The following CEP85 variants were observed in gnomAD, a reference collection of about 807,000 sequenced individuals.
The protein encoded by CEP85 is centrosomal protein 85, also known as centrosomal protein of 85 kDa.
A neutral mutation model predicts 93.7 loss-of-function variants in CEP85; 58 were observed. The ratio of observed to expected loss-of-function variants is 0.62; its 90% confidence interval spans 0.50 to 0.77. The LOEUF is 0.77. CEP85 is among the 30% of genes least tolerant of loss of function. CEP85 has a pLI of 0.00. For synonymous variants in CEP85, 314 were observed against 338.6 expected, an observed-to-expected ratio of 0.93 and a Z score of 0.80; for missense variants, 868 against 922.0, an observed-to-expected ratio of 0.94 and a Z score of 0.76.
At chr1:26,236,148 GA>G (rs2089323549) in intron 1 of CEP85, among the ~76,000 whole-genome samples, 1 of 152,154 alleles carries the variant, frequency 6.6e-6, no homozygotes, top group Non-Finnish European at 1.5e-5. Flanking sequence ...TCCTGGCTTT[GA>G]AGCCTCTTCC....
chr1:26,268,720 T>C (rs1171640378), intron 8 of CEP85, 85 bp downstream of exon 8: 16 of 1,296,818 alleles, frequency 1.2e-5, no homozygotes, highest in Non-Finnish European at 1.6e-5. Flanking sequence ...TATGCAGTTA[T>C]CCTGTGACTT....
intron 11 of CEP85, among the ~76,000 whole-genome samples, chr1:26,273,882 CAG>C (rs1271467718): frequency 1.3e-5 from 2 of 148,506 alleles, no homozygotes; most frequent in African/African-American, 2.5e-5. Context: ...GTCTGGGCGA[CAG>C]AGTGAAACCC....
intron 8 of CEP85, 135 bp downstream of exon 8, chr1:26,268,770 T>C: frequency 1.1e-6 from 1 of 934,230 alleles, no homozygotes; most frequent in East Asian, 3.0e-5. Flanking sequence ...TCCAGATTCA[T>C]AATTGTCAGA....
chr1:26,239,667 C>G, intron 1 of CEP85, 95 bp from the exon 2 acceptor site: 1 of 800,522 alleles, frequency 1.2e-6, no homozygotes, highest in Non-Finnish European at 2.2e-6. Context: ...CTTGAATATT[C>G]TATATGGTTT....
chr1:26,257,534 C>T, intron 4 of CEP85, 63 bp from the exon 5 acceptor site: 6 of 1,592,716 alleles, frequency 3.8e-6, no homozygotes, highest in Non-Finnish European at 5.1e-6. Context: ...CTGATTACTG[C>T]TCAGGTGTTT....
chr1:26,267,374 G>T (rs1319662013), intron 7 of CEP85, among the ~76,000 whole-genome samples: 1 of 152,094 alleles, frequency 6.6e-6, no homozygotes, highest in African/African-American at 2.4e-5. Context: ...GACCAGCCTG[G>T]CCAACATGGT....
intron 1 of CEP85, among the ~76,000 whole-genome samples, chr1:26,238,354 C>T (rs1369391918): frequency 1.3e-5 from 2 of 151,864 alleles, no homozygotes; most frequent in Non-Finnish European, 2.9e-5. Context: ...GCGCCTGCCA[C>T]CATGCCTGGC....
intron 8 of CEP85, chr1:26,269,247 C>G: frequency 1.8e-6 from 1 of 559,788 alleles, no homozygotes; most frequent in Non-Finnish European, 3.2e-6. Flanking sequence ...CTACCTGCGT[C>G]AGAAATAAGA....
intron 7 of CEP85, among the ~76,000 whole-genome samples, chr1:26,262,015 A>C (rs2089817891): frequency 6.6e-6 from 1 of 152,072 alleles, no homozygotes; most frequent in Non-Finnish European, 1.5e-5. Flanking sequence ...TACTAAAAAA[A>C]ATACAAAAAT....
chr1:26,252,925 C>T (rs2089641273), intron 3 of CEP85, among the ~76,000 whole-genome samples: 1 of 152,156 alleles, frequency 6.6e-6, no homozygotes, highest in Admixed American at 6.6e-5. Context: ...CTTCTGGTAA[C>T]CACAATTATT....
Position 26,259,619 on chromosome 1 carries a change from ATTGC to A in CEP85, c.1159_1162del (p.Leu387SerfsTer18). On this transcript the variant is annotated frameshift_variant, in exon 7 of 14. Transcript: ENST00000451429. LOFTEE classifies it high-confidence loss of function. ...CATATTGAGAATCTTTCTGGCAGGA[ATTGC>A]AGCGAGAAAACACTTTCTTACGTGC... 1 of 1,606,140 alleles carries A rather than the reference ATTGC, an allele frequency of 6.2e-7. No individual in the cohort carries two copies. Among genetic ancestry groups the A allele is most frequent in the South Asian group, 1.1e-5 (1 of 89,852 alleles).
At chr1:26,243,348 G>A (rs1162959438) in intron 2 of CEP85, among the ~76,000 whole-genome samples, 1 of 151,980 alleles carries the variant, frequency 6.6e-6, no homozygotes, top group East Asian at 1.9e-4. Flanking sequence ...TCAGTGAGTG[G>A]GAACCAGGGA....
Position 26,269,461 on chromosome 1 carries a change from T to C in CEP85, c.1496T>C (p.Leu499Pro), listed in dbSNP as rs1177022337. 1 of 1,613,772 alleles carries C rather than the reference T, an allele frequency of 6.2e-7. No individual in the cohort carries two copies. The highest frequency in any genetic ancestry group is 1.3e-5 in the African/African-American group (1 of 74,914). Residue 499 changes from leucine (L) to proline (P), a missense_variant and splice_region_variant, in exon 9 of 14, where the codon CTT (leucine) becomes CCT (proline). By Grantham distance (98) the Leu-to-Pro change is moderately conservative (BLOSUM62 -3). Coordinates refer to ENST00000451429, the MANE Select transcript of CEP85 (RefSeq NM_001319944.2). ...TAAACATGGGATCCTGTCTCTCAGC[T>C]TAAGGATTCTGAGTTGAAGAGCACA... ...LEDHQKQSQQ[L>P]KDSELKSTEL... is the part of the protein sequence containing the mutation.
chr1:26,252,254 C>T (rs143771249), intron 3 of CEP85, among the ~76,000 whole-genome samples: 361 of 142,186 alleles, frequency 2.5e-3, no homozygotes, highest in African/African-American at 8.4e-3. Flanking sequence ...AAAATTGGGC[C>T]GGGGGCAGTG....
At chr1:26,247,301 T>A (rs2089525605) in intron 3 of CEP85, among the ~76,000 whole-genome samples, 1 of 152,194 alleles carries the variant, frequency 6.6e-6, no homozygotes, top group South Asian at 2.1e-4. Context: ...GCAACTCCAT[T>A]AATATACTAA....
At chr1:26,274,817 C>G in intron 11 of CEP85, 147 bp from the exon 12 acceptor site, 1 of 621,366 alleles carries the variant, frequency 1.6e-6, no homozygotes, top group Non-Finnish European at 2.8e-6. Context: ...AATGGGAGGT[C>G]ACAAATCAGG....
rs145058894 is a variant in CEP85 at position 26,259,619 on chromosome 1, A to G, written c.1158A>G (p.Glu386=). The G allele has an allele frequency of 9.8e-5, 158 of 1,606,140 alleles. 1 individual carries two copies. The African/African-American group carries it at 1.9e-3, about 19-fold the overall frequency. The change falls in exon 7 of 14, where the codon GAA becomes GAG. Residue 386 remains glutamate (E), a splice_region_variant and synonymous_variant. Coordinates refer to ENST00000451429, the MANE Select transcript of CEP85 (RefSeq NM_001319944.2). ...CATATTGAGAATCTTTCTGGCAGGA[A>G]TTGCAGCGAGAAAACACTTTCTTAC... The part of the protein sequence containing the change: ...FGDVCLLRLQ[E]LQRENTFLRA...
chr1:26,241,038 CTT>C (rs1158385398), intron 2 of CEP85, among the ~76,000 whole-genome samples: 1 of 151,904 alleles, frequency 6.6e-6, no homozygotes, highest in Non-Finnish European at 1.5e-5. Flanking sequence ...AGAAAAATGA[CTT>C]GTTGAATTCT....
At chr1:26,261,742 T>G (rs11247889) in intron 7 of CEP85, among the ~76,000 whole-genome samples, 1 of 57,640 alleles carries the variant, frequency 1.7e-5, no homozygotes, top group African/African-American at 4.9e-5. Flanking sequence ...AAAAAAAAAA[T>G]TTTTTTTTTC....
Sources: gnomAD v4.1 joint callset for allele counts (sites outside exome capture counted in the v4.1 genomes callset) on GRCh38, gnomAD v4.1.1 for gene constraint, MANE v1.5 for transcripts, NCBI Gene and HGNC (gene_info 2026-07-23, HGNC 2026-07-21) for gene names.